The following RHCE variants were observed in gnomAD, a reference collection of about 807,000 sequenced individuals.
RHCE encodes blood group Rh(CE) polypeptide.
In RHCE, 22 loss-of-function variants were observed where a neutral mutation model predicts 43.8. That is an observed-to-expected ratio of 0.50 (90% CI 0.36 to 0.72). The LOEUF is 0.72. RHCE is among the 30% of genes least tolerant of loss of function. RHCE has a pLI of 0.00. For missense variants in RHCE, 385 were observed against 525.4 expected, an observed-to-expected ratio of 0.73 and a Z score of 2.61; for synonymous variants, 156 against 210.7, an observed-to-expected ratio of 0.74 and a Z score of 2.25.
chr1:25,403,106 C>T (rs1226490335), intron 2 of RHCE, among the ~76,000 whole-genome samples: 1 of 151,928 alleles, frequency 6.6e-6, no homozygotes, highest in Non-Finnish European at 1.5e-5. Context: ...TTCTTTTCTG[C>T]TGCCATCATT....
upstream of RHCE, among the ~76,000 whole-genome samples, chr1:25,424,010 A>T (rs1322192568): frequency 6.6e-6 from 1 of 152,222 alleles, no homozygotes; most frequent in African/African-American, 2.4e-5. Context: ...AGCAACACAC[A>T]TGCAGTGGAA....
chr1:25,377,134 C>A (rs1332252748), intron 7 of RHCE, among the ~76,000 whole-genome samples: 2 of 152,030 alleles, frequency 1.3e-5, no homozygotes, highest in Non-Finnish European at 2.9e-5. Context: ...GTTATCAAAA[C>A]CTCAGGGAAA....
In RHCE at chr1:25,402,709, T is replaced by C; in HGVS notation, c.373A>G (p.Ile125Val). 7 of 1,614,052 alleles carry C rather than the reference T, an allele frequency of 4.3e-6. No homozygotes were observed. The highest frequency in any genetic ancestry group is 5.9e-6 in the Non-Finnish European group (7 of 1,180,016). ...LATMSAMSVL[I>V]SAGAVLGKVN... The stretch of plus-strand genomic sequence containing the variant: ...TTCCCCAAGACAGCACCCGCTGAGA[T>C]CAGCACCGACATAGCACTCATGGTG... The change falls in exon 3 of 10, where the codon ATC becomes GTC. Residue 125 changes from isoleucine (I) to valine (V), a missense_variant. Physicochemically the swap from Ile to Val is conservative, Grantham distance 29. Transcript: ENST00000294413.
chr1:25,403,538 CAA>C (rs779315440), intron 2 of RHCE, among the ~76,000 whole-genome samples: 7 of 131,166 alleles, frequency 5.3e-5, no homozygotes, highest in African/African-American at 1.4e-4. Context: ...TCTTATGATC[CAA>C]AAAAAAAAAA....
At chr1:25,379,653 T>C (rs1397591175) in intron 7 of RHCE, among the ~76,000 whole-genome samples, 1 of 151,154 alleles carries the variant, frequency 6.6e-6, no homozygotes, top group Non-Finnish European at 1.5e-5. Context: ...TACAGACGTG[T>C]GCCACCATCT....
At chr1:25,409,354 T>C (rs581970) in intron 1 of RHCE, among the ~76,000 whole-genome samples, 2,350 of 117,034 alleles carry the variant, frequency 0.02, 190 homozygotes, top group African/African-American at 0.059. Flanking sequence ...ATAGGCCCAG[T>C]GCTCTTGTTG....
chr1:25,413,018 C>T (rs1013685164), intron 1 of RHCE, among the ~76,000 whole-genome samples: 5 of 151,582 alleles, frequency 3.3e-5, no homozygotes, highest in Admixed American at 2.0e-4. Context: ...AGTGAGACTC[C>T]GGCTCAAAAA....
intron 1 of RHCE, among the ~76,000 whole-genome samples, chr1:25,414,037 G>A (rs1461902865): frequency 6.6e-6 from 1 of 152,022 alleles, no homozygotes; most frequent in Non-Finnish European, 1.5e-5. Context: ...GGATTGCCAT[G>A]AGCATTGAGC....
chr1:25,378,574 C>T (rs775354651), intron 7 of RHCE, among the ~76,000 whole-genome samples: 1 of 152,208 alleles, frequency 6.6e-6, no homozygotes, highest in South Asian at 2.1e-4. Flanking sequence ...CGTTTTCTTG[C>T]AAGTCAGCTT....
intron 1 of RHCE, among the ~76,000 whole-genome samples, chr1:25,416,228 G>A (rs1489701413): frequency 6.6e-6 from 1 of 151,996 alleles, no homozygotes; most frequent in Non-Finnish European, 1.5e-5. Flanking sequence ...TCTTCATGTT[G>A]CAACTAATGG....
intron 8 of RHCE, among the ~76,000 whole-genome samples, chr1:25,372,721 C>T (rs1332885690): frequency 1.3e-5 from 2 of 151,704 alleles, no homozygotes; most frequent in African/African-American, 4.9e-5. Context: ...GCTCAATTAA[C>T]AAGTTAAATG....
Position 25,371,326 on chromosome 1 carries a change from T to G in RHCE, c.1154-786A>C, listed in dbSNP as rs1341582180. The stretch of plus-strand genomic sequence containing the variant: ...GTTAGGAAAGTAGCTTATAACTTGC[T>G]TAAGTGCCTGTCCTTCCTTTTCCCC... On this transcript the variant is annotated intron_variant, in intron 8 of 9. Transcript: ENST00000294413. 1.1e-4 allele frequency among the ~76,000 whole-genome samples: 17 copies of G among 151,610 alleles called. No individual in the cohort carries two copies. The East Asian group carries it at 3.1e-3, about 28-fold the overall frequency.
intron 3 of RHCE, among the ~76,000 whole-genome samples, chr1:25,395,303 G>T (rs1388119458): frequency 1.3e-5 from 2 of 149,890 alleles, no homozygotes; most frequent in Non-Finnish European, 3.0e-5. Flanking sequence ...GCAGGATCTG[G>T]GACATAGAAA....
At chr1:25,379,804 A>G (rs146246986) in intron 7 of RHCE, among the ~76,000 whole-genome samples, 1,551 of 152,062 alleles carry the variant, frequency 0.01, 29 homozygotes, top group African/African-American at 0.035. Flanking sequence ...CCTCCTGAGT[A>G]GCTAGAATTA....
chr1:25,403,075 T>C (rs775951584), intron 2 of RHCE, among the ~76,000 whole-genome samples: 1,317 of 149,704 alleles, frequency 8.8e-3, no homozygotes, highest in African/African-American at 0.031. Context: ...GGGGATCTGA[T>C]AACTGGGATT....
intron 1 of RHCE, among the ~76,000 whole-genome samples, chr1:25,416,027 A>C (rs1169562274): frequency 9.9e-5 from 15 of 151,138 alleles, no homozygotes; most frequent in Admixed American, 7.3e-4. Context: ...AGAAACATGG[A>C]TCTAGGCTAT....
At chr1:25,378,364 T>C (rs934760255) in intron 7 of RHCE, among the ~76,000 whole-genome samples, 3 of 152,236 alleles carry the variant, frequency 2.0e-5, no homozygotes, top group Non-Finnish European at 2.9e-5. Context: ...AGTGCTAGAA[T>C]GTTCAGAGGA....
chr1:25,400,411 C>A (rs1265899982), intron 3 of RHCE, among the ~76,000 whole-genome samples: 1 of 151,634 alleles, frequency 6.6e-6, no homozygotes, highest in Non-Finnish European at 1.5e-5. Context: ...CCTTCCAGGA[C>A]CTCACGCTCT....
At chr1:25,390,981 G>C in intron 4 of RHCE, 66 bp from the exon 5 acceptor site, 1 of 1,609,168 alleles carries the variant, frequency 6.2e-7, no homozygotes, top group Non-Finnish European at 8.5e-7. Flanking sequence ...GCCTCGAGGG[G>C]TTTTGGATGA....
Sources: gnomAD v4.1 joint callset for allele counts (sites outside exome capture counted in the v4.1 genomes callset) on GRCh38, gnomAD v4.1.1 for gene constraint, MANE v1.5 for transcripts, NCBI Gene and HGNC (gene_info 2026-07-23, HGNC 2026-07-21) for gene names.